TSGA10: variants seen among roughly 807,000 people sequenced by gnomAD.
The protein encoded by TSGA10 is testis specific 10.
In TSGA10, 43 loss-of-function variants were observed where a neutral mutation model predicts 96.6. The observed-to-expected ratio is 0.44, with a 90% CI of 0.35 to 0.57. The LOEUF (loss-of-function observed/expected upper bound fraction) is 0.57. TSGA10 is among the 20% of genes least tolerant of loss of function. The probability of loss-of-function intolerance (pLI) is 0.01; values close to 1 mark genes in which losing one functional copy is unlikely to be tolerated. For synonymous variants in TSGA10, 229 were observed against 269.9 expected, an observed-to-expected ratio of 0.85 and a Z score of 1.48; for missense variants, 703 against 834.4, an observed-to-expected ratio of 0.84 and a Z score of 1.94.
chr2:99,121,531 T>C (rs2092572146), intron 2 of TSGA10, among the ~76,000 whole-genome samples: 1 of 152,168 alleles, frequency 6.6e-6, no homozygotes, highest in Non-Finnish European at 1.5e-5. Flanking sequence ...TGGAGTGCAG[T>C]GGTACAATCT....
chr2:99,098,527 T>A, intron 10 of TSGA10, among the ~76,000 whole-genome samples: 1 of 135,680 alleles, frequency 7.4e-6, no homozygotes, highest in Admixed American at 7.1e-5. Flanking sequence ...TGAAGAAAAT[T>A]CAAGAAAAAA....
At chr2:99,110,589 T>G (rs1379662350) in intron 5 of TSGA10, among the ~76,000 whole-genome samples, 2 of 152,152 alleles carry the variant, frequency 1.3e-5, no homozygotes, top group East Asian at 3.8e-4. Flanking sequence ...TTAAATCAAT[T>G]AACAGATAAG....
intron 20 of TSGA10, among the ~76,000 whole-genome samples, chr2:99,006,296 A>T (rs979911127): frequency 3.3e-5 from 5 of 152,174 alleles, no homozygotes; most frequent in African/African-American, 1.2e-4. Flanking sequence ...GACAAATGGG[A>T]TCTAATTAAA....
At chr2:99,055,277 C>T (rs2083844718) in intron 16 of TSGA10, among the ~76,000 whole-genome samples, 1 of 152,166 alleles carries the variant, frequency 6.6e-6, no homozygotes, top group East Asian at 1.9e-4. Flanking sequence ...AAACACTGAT[C>T]TCGTTTATAT....
chr2:99,102,429 G>C, intron 10 of TSGA10: 2 of 1,613,982 alleles, frequency 1.2e-6, no homozygotes, highest in Non-Finnish European at 1.7e-6. Flanking sequence ...TGAAATGAGA[G>C]AAATGCAACA....
intron 17 of TSGA10, among the ~76,000 whole-genome samples, chr2:99,028,252 C>T (rs2080824226): frequency 2.0e-5 from 3 of 152,204 alleles, no homozygotes; most frequent in Admixed American, 2.0e-4. Flanking sequence ...CTGTGGGTTA[C>T]CTTGCTTCAC....
chr2:99,040,856 T>C (rs1558812158), intron 16 of TSGA10, among the ~76,000 whole-genome samples: 1 of 152,166 alleles, frequency 6.6e-6, no homozygotes, highest in Admixed American at 6.5e-5. Flanking sequence ...TTCGTCTTGA[T>C]TTAAAAATAA....
intron 10 of TSGA10, among the ~76,000 whole-genome samples, chr2:99,088,098 A>C (rs1574215506): frequency 1.3e-5 from 2 of 152,204 alleles, no homozygotes; most frequent in African/African-American, 4.8e-5. Flanking sequence ...GATAAAATTA[A>C]TTCAGTGACT....
chr2:99,052,200 T>C (rs1367848950), intron 16 of TSGA10, among the ~76,000 whole-genome samples: 3 of 151,808 alleles, frequency 2.0e-5, no homozygotes, highest in Non-Finnish European at 2.9e-5. Flanking sequence ...TAAGAGTTGA[T>C]TTCTGAAAAG....
chr2:99,008,684 T>C (rs1286499480), intron 20 of TSGA10, among the ~76,000 whole-genome samples: 1 of 152,222 alleles, frequency 6.6e-6, no homozygotes, highest in Non-Finnish European at 1.5e-5. Context: ...GAATTTATTC[T>C]GAAGATACTG....
intron 17 of TSGA10, among the ~76,000 whole-genome samples, chr2:99,027,456 T>C (rs971483922): frequency 1.3e-5 from 2 of 152,182 alleles, no homozygotes; most frequent in East Asian, 3.8e-4. Context: ...AAATAAGTTT[T>C]GGTGATTTAT....
At chr2:99,075,080 G>T (rs915499235) in intron 12 of TSGA10, among the ~76,000 whole-genome samples, 2 of 151,794 alleles carry the variant, frequency 1.3e-5, no homozygotes, top group East Asian at 3.9e-4. Context: ...AAAGTATCCA[G>T]GGCAACAAAA....
chr2:99,142,380 T>G (rs1400045657), intron 1 of TSGA10: 1 of 152,234 alleles, frequency 6.6e-6, no homozygotes, highest in African/African-American at 2.4e-5. Flanking sequence ...TTGAGGAGAC[T>G]AACAATTCCT....
rs185573366 is a variant in TSGA10 at position 99,057,603 on chromosome 2, T to G, written c.1404+7336A>C. 3.6e-3 allele frequency among the ~76,000 whole-genome samples: 541 copies of G among 152,260 alleles called. 5 individuals are homozygous for G. The highest frequency in any genetic ancestry group is 8.4e-3 in the Admixed American group (128 of 15,292). ...ATATTGTTGAAAGAAATTAAAGATCTAATAAACGAAACTACACCTTGTGTT... is the reference window on the plus strand; with the variant it reads ...ATATTGTTGAAAGAAATTAAAGATCGAATAAACGAAACTACACCTTGTGTT... On this transcript the variant is annotated intron_variant, in intron 16 of 20. Coordinates refer to ENST00000393483, the MANE Select transcript of TSGA10 (RefSeq NM_025244.4).
At chr2:99,061,780 A>G (rs1397595630) in intron 16 of TSGA10, among the ~76,000 whole-genome samples, 1 of 152,180 alleles carries the variant, frequency 6.6e-6, no homozygotes, top group Non-Finnish European at 1.5e-5. Flanking sequence ...CATACGTTGA[A>G]CCCTAACCCC....
chr2:99,108,491 G>A (rs536104276), intron 7 of TSGA10, among the ~76,000 whole-genome samples: 5 of 152,192 alleles, frequency 3.3e-5, no homozygotes, highest in African/African-American at 9.6e-5. Context: ...GTGATAAGGT[G>A]TGGCAAGTTC....
At chr2:99,013,542 A>G (rs1000961024) in intron 20 of TSGA10, among the ~76,000 whole-genome samples, 1 of 151,280 alleles carries the variant, frequency 6.6e-6, no homozygotes, top group African/African-American at 2.4e-5. Flanking sequence ...CATGTTAGCC[A>G]GGATGGTCTC....
chr2:99,078,145 C>G (rs537577113), intron 12 of TSGA10, among the ~76,000 whole-genome samples: 23 of 151,760 alleles, frequency 1.5e-4, no homozygotes, highest in African/African-American at 5.6e-4. Flanking sequence ...GTGGCAGGCA[C>G]CTGTAGTCCC....
At chr2:99,063,636 C>T (rs1225387870) in intron 16 of TSGA10, among the ~76,000 whole-genome samples, 1 of 151,718 alleles carries the variant, frequency 6.6e-6, no homozygotes, top group East Asian at 1.9e-4. Flanking sequence ...AACCCCATCT[C>T]TACTAAATAC....
Sources: allele counts gnomAD v4.1 joint callset (sites outside exome capture counted in the v4.1 genomes callset), GRCh38; gene constraint gnomAD v4.1.1; transcripts MANE v1.5; gene names NCBI Gene and HGNC (gene_info 2026-07-23, HGNC 2026-07-21).